The following CHD7 variants were observed in gnomAD, a reference collection of about 807,000 sequenced individuals.
CHD7 encodes ATP-dependent chromatin remodeler CHD7.
CHD7 carries 24 observed loss-of-function variants against 307.3 expected under a neutral mutation model. That is an observed-to-expected ratio of 0.08 (90% confidence interval 0.06 to 0.11). The LOEUF is 0.11. CHD7 is among the 10% of genes least tolerant of loss of function. The pLI is 1.00. For missense variants in CHD7, 3,106 were observed against 3,727.1 expected (o/e 0.83, Z 4.34); for synonymous variants, 1,363 against 1,349.9 (o/e 1.01, Z -0.21).
chr8:60,746,905 T>C (rs1160532634), intron 2 of CHD7, among the ~76,000 whole-genome samples: 1 of 152,222 alleles, frequency 6.6e-6, no homozygotes, highest in Admixed American at 6.5e-5. Flanking sequence ...CTTATATTTC[T>C]TTTTCAATAG....
chr8:60,723,830 A>G (rs1184666764), intron 1 of CHD7, among the ~76,000 whole-genome samples: 1 of 152,166 alleles, frequency 6.6e-6, no homozygotes, highest in Non-Finnish European at 1.5e-5. Flanking sequence ...AATTATATCT[A>G]AATATAGTTG....
At position 60,865,032 on chromosome 8, in the gene CHD7, C is replaced by A; in HGVS notation, c.8093C>A (p.Ser2698Ter). 6.2e-7 allele frequency: 1 copy of A among 1,600,914 alleles called. No homozygotes were observed. Among genetic ancestry groups the A allele is most frequent in the South Asian group, 1.1e-5 (1 of 88,866 alleles). ...GTACTCCAGGGTTTTGTTCCTGAGT[C>A]GATGTTTGACCGCCTTCTCACTGGG... ...IVKQSGFVPESMFDRLLTGPV... is the reference protein window; with the variant it reads ...IVKQSGFVPE Residue 2698 changes from serine to a stop codon, truncating the protein, a stop_gained, in exon 38 of 38, where the codon TCG becomes TAG. Transcript: ENST00000423902. LOFTEE classifies it high-confidence loss of function. The surrounding 1 kb of genome is among the most constrained non-coding windows in gnomAD (Gnocchi z 4.3).
At chr8:60,790,773 T>G (rs1399803702) in intron 3 of CHD7, among the ~76,000 whole-genome samples, 1 of 152,174 alleles carries the variant, frequency 6.6e-6, no homozygotes, top group Non-Finnish European at 1.5e-5. Context: ...ACACATATAG[T>G]GCTTTGATTT....
intron 13 of CHD7, chr8:60,825,099 C>T (rs984076338): frequency 2.0e-5 from 3 of 152,100 alleles, no homozygotes; most frequent in Non-Finnish European, 2.9e-5. Flanking sequence ...TTTCTGCAGG[C>T]TAATTTGATC....
chr8:60,865,897 G>C lies in CHD7; in HGVS notation c.8958G>C (p.Gly2986=), dbSNP rs1241864519. 6.2e-7 allele frequency: 1 copy of C among 1,609,064 alleles called. No homozygotes were observed. Among genetic ancestry groups the C allele is most frequent in the Admixed American group, 1.7e-5 (1 of 59,138 alleles). Residue 2986 remains glycine (G), a synonymous_variant, in exon 38 of 38, where the codon GGG becomes GGC. Coordinates refer to ENST00000423902, the MANE Select transcript of CHD7 (RefSeq NM_017780.4). The surrounding 1 kb of genome is among the most constrained non-coding windows in gnomAD (Gnocchi z 4.3). ...AQGEELDSLD[G]GDEIENNEND... ...GTGAAGAGCTAGACTCACTTGATGG[G>C]GGGGATGAAATAGAAAACAATGAAA...
intron 15 of CHD7, 114 bp downstream of exon 15, chr8:60,830,691 C>A: frequency 8.3e-7 from 1 of 1,209,278 alleles, no homozygotes; most frequent in Non-Finnish European, 1.1e-6. Flanking sequence ...CTCCTGTCCA[C>A]TCAGCATGGG....
At chr8:60,692,555 G>T (rs1187872078) in intron 1 of CHD7, among the ~76,000 whole-genome samples, 3 of 152,182 alleles carry the variant, frequency 2.0e-5, no homozygotes, top group African/African-American at 7.2e-5. Flanking sequence ...TAGTGAGTGG[G>T]TTAGTGCTTT....
chr8:60,753,646 A>G (rs1586270587), intron 2 of CHD7, among the ~76,000 whole-genome samples: 1 of 151,604 alleles, frequency 6.6e-6, no homozygotes, highest in East Asian at 2.0e-4. Flanking sequence ...TTTGAGATGG[A>G]GTCTTGCTCT....
intron 23 of CHD7, among the ~76,000 whole-genome samples, chr8:60,847,943 C>A (rs910177481): frequency 3.9e-5 from 6 of 151,938 alleles, no homozygotes; most frequent in Non-Finnish European, 7.4e-5. Context: ...CAAGGACACA[C>A]CTTCTACCCC....
intron 17 of CHD7, among the ~76,000 whole-genome samples, chr8:60,837,341 CATTT>C (rs1345588682): frequency 4.6e-5 from 7 of 152,168 alleles, no homozygotes; most frequent in Non-Finnish European, 7.3e-5. Flanking sequence ...AAACAACAGA[CATTT>C]ATTTCTCACA....
chr8:60,798,953 C>G (rs1397651947), intron 4 of CHD7, among the ~76,000 whole-genome samples: 1 of 152,152 alleles, frequency 6.6e-6, no homozygotes, highest in Non-Finnish European at 1.5e-5. Context: ...ACCTCTTGTT[C>G]TGTTCCATTT....
chr8:60,738,577 G>T (rs72650472), intron 1 of CHD7, among the ~76,000 whole-genome samples: 1 of 152,124 alleles, frequency 6.6e-6, no homozygotes, highest in African/African-American at 2.4e-5. Context: ...CATTCAGATG[G>T]TCTTGATCAA....
At position 60,795,214 on chromosome 8, in the gene CHD7, C is replaced by G. The variant is rs924720502; in HGVS notation, c.2238+87C>G. The G allele has an allele frequency of 3.2e-6, 4 of 1,257,456 alleles. No individual in the cohort carries two copies. In the African/African-American group the frequency reaches 4.5e-5, roughly 14 times the overall value. The allele number at this position is 1,257,456 out of a possible 1,614,324, so 77.9% of individuals were successfully genotyped here. A position where few individuals can be genotyped will look rare whatever the true frequency, so the allele number is the denominator to read the frequency against. On this transcript the variant is annotated intron_variant, in intron 4 of 37. Coordinates refer to ENST00000423902, the MANE Select transcript of CHD7 (RefSeq NM_017780.4). ...ATGAAGTACACAAGACCTCCCCTAT[C>G]TTGTTATAGAGATGCTCTTGAGATG...
chr8:60,711,586 G>C (rs1051628878), intron 1 of CHD7, among the ~76,000 whole-genome samples: 6 of 152,200 alleles, frequency 3.9e-5, no homozygotes, highest in African/African-American at 9.7e-5. Flanking sequence ...AATAGAAATG[G>C]TGTTATTCCT....
chr8:60,747,580 G>A (rs1270323846), intron 2 of CHD7, among the ~76,000 whole-genome samples: 1 of 152,190 alleles, frequency 6.6e-6, no homozygotes, highest in Non-Finnish European at 1.5e-5. Flanking sequence ...TGTAGTCTAT[G>A]TGCTAGTCAT....
intron 1 of CHD7, among the ~76,000 whole-genome samples, chr8:60,690,583 T>C (rs1806144700): frequency 6.6e-6 from 1 of 152,184 alleles, no homozygotes. Flanking sequence ...ATTTAGCTGC[T>C]AAAGGCCAGC....
At chr8:60,757,974 T>C (rs776558200) in intron 2 of CHD7, among the ~76,000 whole-genome samples, 6 of 152,234 alleles carry the variant, frequency 3.9e-5, no homozygotes, top group Non-Finnish European at 8.8e-5. Flanking sequence ...CCTGATGCTC[T>C]TAAATATTGA....
rs1188910098 is a variant in CHD7, at chr8:60,742,204, C to A, written c.772C>A (p.His258Asn). 6.2e-7 allele frequency: 1 copy of A among 1,613,870 alleles called. No homozygotes were observed. The change falls in exon 2 of 38, where the codon CAC becomes AAC. Residue 258 changes from histidine to asparagine, a missense_variant. His to Asn is a moderately conservative substitution (Grantham distance 68, BLOSUM62 1). This residue lies in a region of CHD7 where 998 missense variants were observed against 1,004.5 expected (regional missense o/e 0.99). Transcript: ENST00000423902. ...SLRHSVQQFHHHPSTALHGES... is the reference protein window; with the variant it reads ...SLRHSVQQFHNHPSTALHGES... ...GCGTCACTCGGTGCAGCAGTTCCAT[C>A]ACCACCCCTCTACTGCTCTCCATGG...
At chr8:60,688,207 T>G (rs1806010320) in intron 1 of CHD7, among the ~76,000 whole-genome samples, 1 of 152,114 alleles carries the variant, frequency 6.6e-6, no homozygotes, top group Admixed American at 6.6e-5. Flanking sequence ...AGAATTTGAG[T>G]TTTGATGTCG....
Sources: allele counts gnomAD v4.1 joint callset (sites outside exome capture counted in the v4.1 genomes callset), GRCh38; gene constraint gnomAD v4.1.1; regional missense constraint gnomAD v4.1.1; non-coding constraint Gnocchi (gnomAD v3.1); transcripts MANE v1.5; gene names NCBI Gene and HGNC (gene_info 2026-07-23, HGNC 2026-07-21).